The following RPS6KA6 variants were observed in gnomAD, a reference collection of about 807,000 sequenced individuals.
The protein encoded by RPS6KA6 is ribosomal protein S6 kinase alpha-6.
RPS6KA6 carries 27 observed loss-of-function variants against 65.4 expected under a neutral mutation model. The observed-to-expected ratio is 0.41, with a 90% CI of 0.30 to 0.57. RPS6KA6 has a LOEUF of 0.57. Among genes scored for constraint, RPS6KA6 ranks in the 20% least tolerant of loss-of-function variants. The pLI, the probability that RPS6KA6 is intolerant of heterozygous loss-of-function variation, is 0.24. For missense variants in RPS6KA6, 486 were observed against 555.6 expected (o/e 0.87, Z 1.26); for synonymous variants, 190 against 184.2 (o/e 1.03, Z -0.26).
chrX:84,085,936 G>A (rs1246513123), intron 20 of RPS6KA6, among the ~76,000 whole-genome samples: 1 of 111,410 alleles, frequency 9.0e-6, no homozygotes, highest in Non-Finnish European at 1.9e-5. Context: ...CATTATTCTA[G>A]ATATTCTAGT....
chrX:84,157,891 T>C (rs924698940), intron 2 of RPS6KA6, among the ~76,000 whole-genome samples: 2 of 109,956 alleles, frequency 1.8e-5, no homozygotes, highest in Non-Finnish European at 3.8e-5. Flanking sequence ...AATGCTCACA[T>C]GCCCATCCTC....
intron 8 of RPS6KA6, among the ~76,000 whole-genome samples, chrX:84,127,101 A>G (rs1194728832): frequency 6.3e-5 from 7 of 111,650 alleles, no homozygotes. Flanking sequence ...CTATCAAAGA[A>G]AAACAGGGAG....
chrX:84,109,809 G>T (rs912155378), intron 12 of RPS6KA6, among the ~76,000 whole-genome samples: 1 of 110,702 alleles, frequency 9.0e-6, no homozygotes. Context: ...CCTGGTCCTG[G>T]TCCACTTCTT....
At chrX:84,184,707 C>T (rs1337290235) in intron 1 of RPS6KA6, among the ~76,000 whole-genome samples, 1 of 107,993 alleles carries the variant, frequency 9.3e-6, no homozygotes, top group Non-Finnish European at 1.9e-5. Context: ...TTTGTTTAGA[C>T]AGGCATGGTT....
chrX:84,119,836 G>A (rs760920726), intron 9 of RPS6KA6, 49 bp downstream of exon 9: 4 of 1,007,960 alleles, frequency 4.0e-6, no homozygotes, highest in East Asian at 3.4e-5. Flanking sequence ...AAAATTATAA[G>A]TAATATCAAT....
intron 12 of RPS6KA6, among the ~76,000 whole-genome samples, chrX:84,114,218 T>C (rs1184476011): frequency 9.0e-6 from 1 of 111,399 alleles, no homozygotes; most frequent in East Asian, 2.8e-4. Context: ...CCAGGCACAG[T>C]GGTTCACGCC....
chrX:84,151,096 G>GATATAT (rs2035308418), intron 3 of RPS6KA6, among the ~76,000 whole-genome samples: 2 of 93,336 alleles, frequency 2.1e-5, no homozygotes, highest in African/African-American at 8.1e-5. Context: ...ATATATAGAG[G>GATATAT]ATAGATATAT....
chrX:84,165,967 T>A (rs1468397610), intron 1 of RPS6KA6, among the ~76,000 whole-genome samples: 1 of 111,710 alleles, frequency 9.0e-6, no homozygotes, highest in African/African-American at 3.3e-5. Context: ...AGAGAGCAGA[T>A]CCCCTAATTC....
intron 18 of RPS6KA6, among the ~76,000 whole-genome samples, chrX:84,100,080 C>T (rs1050322015): frequency 9.0e-6 from 1 of 111,374 alleles, no homozygotes; most frequent in Non-Finnish European, 1.9e-5. Context: ...ACTAAAAATA[C>T]TCTCTGTGGT....
intron 2 of RPS6KA6, among the ~76,000 whole-genome samples, chrX:84,161,617 C>T (rs1045100716): frequency 2.7e-5 from 3 of 111,642 alleles, no homozygotes; most frequent in African/African-American, 9.7e-5. Context: ...TAGCTCCTAC[C>T]TGTGGTTCCA....
chrX:84,101,967 C>T, intron 18 of RPS6KA6, 70 bp downstream of exon 18: 1 of 861,056 alleles, frequency 1.2e-6, no homozygotes, highest in Non-Finnish European at 1.6e-6. Context: ...CCATAACATT[C>T]ATATGGCATC....
chrX:84,153,729 A>G (rs1252885197), intron 3 of RPS6KA6, among the ~76,000 whole-genome samples: 1 of 111,342 alleles, frequency 9.0e-6, no homozygotes, highest in Non-Finnish European at 1.9e-5. Flanking sequence ...GAATAGGTTC[A>G]GCATATAACA....
chrX:84,138,506 T>G (rs2147522973), intron 6 of RPS6KA6, among the ~76,000 whole-genome samples: 1 of 111,852 alleles, frequency 8.9e-6, no homozygotes, highest in East Asian at 2.8e-4. Context: ...TGAGCCAGGA[T>G]AGTGCCACTG....
intron 20 of RPS6KA6, among the ~76,000 whole-genome samples, chrX:84,094,412 G>A (rs2034110936): frequency 9.2e-6 from 1 of 108,983 alleles, no homozygotes; most frequent in African/African-American, 3.3e-5. Flanking sequence ...GGAGGCCGAG[G>A]CAGGCGGATC....
At chrX:84,154,891 T>A (rs1186459203) in intron 3 of RPS6KA6, among the ~76,000 whole-genome samples, 1 of 112,125 alleles carries the variant, frequency 8.9e-6, no homozygotes, top group African/African-American at 3.2e-5. Flanking sequence ...GACATCTATT[T>A]TATAGTCACT....
At chrX:84,150,952 GAT>G (rs1219813079) in intron 3 of RPS6KA6, among the ~76,000 whole-genome samples, 1 of 87,906 alleles carries the variant, frequency 1.1e-5, no homozygotes, top group African/African-American at 4.1e-5. Context: ...ATATATATAG[GAT>G]ATATATATAG....
At chrX:84,144,213 T>C (rs1007215853) in intron 6 of RPS6KA6, among the ~76,000 whole-genome samples, 2 of 111,341 alleles carry the variant, frequency 1.8e-5, no homozygotes, top group Non-Finnish European at 3.8e-5. Flanking sequence ...CTTCTGCTTT[T>C]CAATACACTG....
In RPS6KA6 at chrX:84,115,248, C is replaced by T. The variant is rs6653029; in HGVS notation, c.1008+981G>A. On this transcript the variant is annotated intron_variant, in intron 12 of 21. Transcript: ENST00000262752. ...AGATCTGCAAGGTACTCAAACAACT[C>T]AACAGGTAAACAAACAAACAAACAA... Among the ~76,000 whole-genome samples the T allele has an allele frequency of 2.1e-3, 232 of 111,425 alleles. 1 individual carries two copies. Among genetic ancestry groups the T allele is most frequent in the African/African-American group, 7.1e-3 (218 of 30,679 alleles).
At chrX:84,095,528 T>C (rs1306681437) in intron 20 of RPS6KA6, among the ~76,000 whole-genome samples, 1 of 111,772 alleles carries the variant, frequency 8.9e-6, no homozygotes, top group Non-Finnish European at 1.9e-5. Flanking sequence ...GTAGTCCATA[T>C]TCACACGGCT....
Sources: gnomAD v4.1 joint callset for allele counts (sites outside exome capture counted in the v4.1 genomes callset) on GRCh38, gnomAD v4.1.1 for gene constraint, MANE v1.5 for transcripts, NCBI Gene and HGNC (gene_info 2026-07-23, HGNC 2026-07-21) for gene names.